The following NOL7 variants were observed in gnomAD, a reference collection of about 807,000 sequenced individuals.
NOL7 encodes U3 small nucleolar RNA-associated protein NOL7.
A neutral mutation model predicts 38.4 loss-of-function variants in NOL7; 36 were observed. The observed-to-expected ratio is 0.94, with a 90% CI of 0.72 to 1.24. The LOEUF is 1.24. NOL7 is among the 50% of genes most tolerant of loss of function. The pLI is 0.00. For synonymous variants in NOL7, 142 were observed against 126.5 expected, an observed-to-expected ratio of 1.12 and a Z score of -0.82; for missense variants, 350 against 315.1, an observed-to-expected ratio of 1.11 and a Z score of -0.84.
In NOL7 at chr6:13,615,552, A is replaced by C. The variant is rs1394024144; in HGVS notation, c.194A>C (p.Glu65Ala). The C allele has an allele frequency of 6.4e-7, 1 of 1,562,552 alleles. No individual in the cohort carries two copies. Among genetic ancestry groups the C allele is most frequent in the African/African-American group, 1.4e-5 (1 of 73,726 alleles). ...GDDEFDDEAPEELTFASAQAE... is the reference protein window; with the variant it reads ...GDDEFDDEAPAELTFASAQAE... ...GATGAGTTTGACGATGAGGCCCCGG[A>C]GGAGCTGACTTTCGCCAGCGCCCAG... Residue 65 changes from glutamate to alanine, a missense_variant, in exon 1 of 8, where the codon GAG becomes GCG. Glu to Ala is a moderately radical substitution (Grantham distance 107). Transcript: ENST00000451315.
chr6:13,628,407 G>T (rs1259603307), intron 8 of NOL7, among the ~76,000 whole-genome samples: 2 of 152,034 alleles, frequency 1.3e-5, no homozygotes, highest in Admixed American at 1.3e-4. Context: ...AGAGAAAGGA[G>T]AAAAAAGCAT....
intron 3 of NOL7, 52 bp downstream of exon 3, chr6:13,616,573 T>G (rs749510459): frequency 1.7e-6 from 2 of 1,184,342 alleles, no homozygotes; most frequent in Admixed American, 2.1e-5. Context: ...CATCTTTGAA[T>G]TATATACTGG....
At chr6:13,631,136 T>C (rs149583876) in intron 8 of NOL7, among the ~76,000 whole-genome samples, 497 of 152,290 alleles carry the variant, frequency 3.3e-3, no homozygotes, top group Non-Finnish European at 5.5e-3. Context: ...TAAACTTGTT[T>C]CAATTATCAA....
chr6:13,625,448 C>G (rs377279017), downstream of NOL7, among the ~76,000 whole-genome samples: 1 of 152,106 alleles, frequency 6.6e-6, no homozygotes, highest in East Asian at 1.9e-4. Context: ...AAGTTGTACC[C>G]CATCTTACTG....
At chr6:13,622,453 G>A (rs768328303), downstream of NOL7, 1 of 1,599,544 alleles carries the variant, frequency 6.3e-7, no homozygotes, top group Non-Finnish European at 8.5e-7. Flanking sequence ...CTGTCCCATT[G>A]CTAGGGCAAG....
At chr6:13,629,120 TGTTTTTTTGAGACAG>T in intron 8 of NOL7, among the ~76,000 whole-genome samples, 1 of 152,292 alleles carries the variant, frequency 6.6e-6, no homozygotes, top group Non-Finnish European at 1.5e-5. Flanking sequence ...TGAGCCTTTT[TGTTTTTTTGAGACAG>T]GGTCTTGCTA....
In NOL7 at chr6:13,616,459, A is replaced by G. The variant is rs200629631; in HGVS notation, c.328-4A>G. ...ATTAATTTTAAACGTTTTCATTCCA[A>G]AAGAAAAGAAAACTCCTTCCAGACA... On this transcript the variant is annotated splice_polypyrimidine_tract_variant and splice_region_variant and intron_variant, in intron 2 of 7. Transcript: ENST00000451315. 6 of 1,601,968 alleles carry G rather than the reference A, an allele frequency of 3.7e-6. No homozygotes were observed. Among genetic ancestry groups the G allele is most frequent in the Admixed American group, 3.4e-5 (2 of 58,598 alleles).
intron 8 of NOL7, among the ~76,000 whole-genome samples, chr6:13,627,353 G>A (rs1764635881): frequency 6.6e-6 from 1 of 151,944 alleles, no homozygotes; most frequent in Non-Finnish European, 1.5e-5. Flanking sequence ...TTTTTGGCCG[G>A]GTGTGGTGGC....
At chr6:13,615,908 G>A in intron 2 of NOL7, 136 bp downstream of exon 2, 1 of 941,202 alleles carries the variant, frequency 1.1e-6, no homozygotes, top group Non-Finnish European at 1.6e-6. Flanking sequence ...GTGGTGGAAA[G>A]ATGCTCGGGC....
Position 13,615,435 on chromosome 6 carries a change from C to CGGA in NOL7, c.89_91dup (p.Glu30dup), listed in dbSNP as rs369237990. 98 of 1,548,702 alleles carry CGGA rather than the reference C, an allele frequency of 6.3e-5. No homozygotes were observed. The African/African-American group carries it at 7.8e-4, about 12-fold the overall frequency. ...ATGGTGGACGAGGGCCAGCTGGCCTCGGAGGAGGAGGAGGCGGAGCACGGG... is the reference window on the plus strand; with the variant it reads ...ATGGTGGACGAGGGCCAGCTGGCCTCGGAGGAGGAGGAGGAGGCGGAGCACGGG... On this transcript the variant is annotated inframe_insertion, in exon 1 of 8. Transcript: ENST00000451315.
At chr6:13,628,417 T>C (rs2127759777) in intron 8 of NOL7, among the ~76,000 whole-genome samples, 1 of 152,276 alleles carries the variant, frequency 6.6e-6, no homozygotes, top group East Asian at 1.9e-4. Flanking sequence ...GAAAAAAGCA[T>C]GGTTGGAAAC....
At position 13,615,338 on chromosome 6, in the gene NOL7, C is replaced by G. The variant is rs556561848; in HGVS notation, c.-21C>G. 978 of 1,447,654 alleles carry G rather than the reference C, an allele frequency of 6.8e-4. 1 individual carries two copies. The highest frequency in any genetic ancestry group is 1.3e-3 in the Middle Eastern group (5 of 3,934). The allele number at this position is 1,447,654 out of a possible 1,614,324, so 89.7% of individuals were successfully genotyped here. A position where few individuals can be genotyped will look rare whatever the true frequency, so the allele number is the denominator to read the frequency against. On this transcript the variant is annotated 5_prime_UTR_variant, in exon 1 of 8. Coordinates refer to ENST00000451315, the MANE Select transcript of NOL7 (RefSeq NM_016167.5). ...AGCTGCTTCCGGGTCAGAGGTCAGA[C>G]GGTCTAGCGCTGCGTGGGCCATGGT...
intron 8 of NOL7, among the ~76,000 whole-genome samples, chr6:13,626,769 C>T (rs538520608): frequency 2.6e-5 from 4 of 152,290 alleles, no homozygotes; most frequent in Admixed American, 2.0e-4. Context: ...AGAGCACCAT[C>T]TCCTAGGTTC....
chr6:13,620,090 G>C (rs1764399015), intron 5 of NOL7, 118 bp from the exon 6 acceptor site: 8 of 1,121,544 alleles, frequency 7.1e-6, no homozygotes, highest in Non-Finnish European at 8.6e-6. Context: ...GGAGGCAGAA[G>C]TTGCAGTGAG....
Position 13,615,561 on chromosome 6 carries a change from CTT to C in NOL7, c.205_206del (p.Phe69ArgfsTer22), listed in dbSNP as rs928015624. 2 of 1,565,548 alleles carry C rather than the reference CTT, an allele frequency of 1.3e-6. No individual in the cohort carries two copies. The highest frequency in any genetic ancestry group is 1.7e-6 in the Non-Finnish European group (2 of 1,153,958). On this transcript the variant is annotated frameshift_variant, in exon 1 of 8. Coordinates refer to ENST00000451315, the MANE Select transcript of NOL7 (RefSeq NM_016167.5). LOFTEE classifies it high-confidence loss of function. ...GACGATGAGGCCCCGGAGGAGCTGA[CTT>C]TCGCCAGCGCCCAGGCGGAAGCGAG...
At chr6:13,630,955 G>A (rs1056221289) in intron 8 of NOL7, among the ~76,000 whole-genome samples, 3 of 151,698 alleles carry the variant, frequency 2.0e-5, no homozygotes, top group Non-Finnish European at 2.9e-5. Flanking sequence ...GACTACCGGC[G>A]CCCGCCACCA....
chr6:13,619,834 C>A (rs1366931769), intron 5 of NOL7, among the ~76,000 whole-genome samples: 3 of 152,160 alleles, frequency 2.0e-5, no homozygotes, highest in African/African-American at 7.2e-5. Flanking sequence ...TCATTTATCA[C>A]TATGAGACAA....
chr6:13,630,816 A>G (rs1269416008), intron 8 of NOL7, among the ~76,000 whole-genome samples: 1 of 152,102 alleles, frequency 6.6e-6, no homozygotes, highest in Non-Finnish European at 1.5e-5. Context: ...AAAAAATATA[A>G]AGCAATGCCA....
intron 8 of NOL7, among the ~76,000 whole-genome samples, chr6:13,631,852 C>A (rs1416700562): frequency 1.3e-5 from 2 of 152,184 alleles, no homozygotes; most frequent in African/African-American, 4.8e-5. Flanking sequence ...CCAGAAGAGA[C>A]TTTAAAATGT....
Sources: allele counts gnomAD v4.1 joint callset (sites outside exome capture counted in the v4.1 genomes callset), GRCh38; gene constraint gnomAD v4.1.1; transcripts MANE v1.5; gene names NCBI Gene and HGNC (gene_info 2026-07-23, HGNC 2026-07-21).